ZNF385D: variants seen among roughly 807,000 people sequenced by gnomAD.
The protein encoded by ZNF385D is zinc finger protein 659.
Under a neutral mutation model 35.8 loss-of-function variants are expected in ZNF385D, and 15 were observed. The observed-to-expected ratio is 0.42, with a 90% CI of 0.28 to 0.64. The LOEUF is 0.64. Among genes scored for constraint, ZNF385D ranks in the 30% least tolerant of loss-of-function variants. ZNF385D has a pLI of 0.23. For synonymous variants in ZNF385D, 212 were observed against 186.8 expected (o/e 1.13, Z -1.10); for missense variants, 474 against 494.6 (o/e 0.96, Z 0.39).
intron 2 of ZNF385D, among the ~76,000 whole-genome samples, chr3:21,617,842 C>A (rs1378624016): frequency 1.3e-5 from 2 of 152,122 alleles, no homozygotes; most frequent in Non-Finnish European, 2.9e-5. Context: ...GCCTTCTTTC[C>A]CTCCTTCACC....
chr3:22,258,352 T>C (rs370561388), intron 2 of ZNF385D, among the ~76,000 whole-genome samples: 5 of 151,790 alleles, frequency 3.3e-5, no homozygotes, highest in Non-Finnish European at 2.9e-5. Context: ...GAAAAAATAG[T>C]GCACAGTTTT....
At chr3:21,994,736 A>G (rs1695357438) in intron 3 of ZNF385D, among the ~76,000 whole-genome samples, 1 of 152,204 alleles carries the variant, frequency 6.6e-6, no homozygotes, top group Non-Finnish European at 1.5e-5. Context: ...CTGATTGTGT[A>G]GGGTGCTTTG....
intron 3 of ZNF385D, among the ~76,000 whole-genome samples, chr3:22,058,769 A>G (rs1466028162): frequency 2.0e-5 from 3 of 152,204 alleles, no homozygotes; most frequent in Admixed American, 6.5e-5. Flanking sequence ...TTTGGAAGCC[A>G]GTCTGAAATT....
At chr3:22,184,437 A>G (rs1695488503) in intron 2 of ZNF385D, among the ~76,000 whole-genome samples, 1 of 152,142 alleles carries the variant, frequency 6.6e-6, no homozygotes, top group Non-Finnish European at 1.5e-5. Flanking sequence ...CAAATCTTCA[A>G]TACTGTGTGT....
chr3:22,096,464 G>C (rs1701639224), intron 3 of ZNF385D, among the ~76,000 whole-genome samples: 1 of 151,930 alleles, frequency 6.6e-6, no homozygotes, highest in Admixed American at 6.6e-5. Context: ...GTCAAAATTT[G>C]ATTTAAAAAT....
intron 3 of ZNF385D, among the ~76,000 whole-genome samples, chr3:21,533,403 C>T (rs1178442736): frequency 6.6e-6 from 1 of 151,896 alleles, no homozygotes; most frequent in African/African-American, 2.4e-5. Context: ...AAATAAAGGC[C>T]AATTCTCTTT....
At chr3:21,933,539 A>G (rs1324002445) in intron 3 of ZNF385D, among the ~76,000 whole-genome samples, 1 of 152,206 alleles carries the variant, frequency 6.6e-6, no homozygotes, top group Non-Finnish European at 1.5e-5. Context: ...CCAGGTCCCT[A>G]GATCTGCTTT....
intron 3 of ZNF385D, among the ~76,000 whole-genome samples, chr3:21,791,796 G>A (rs142166919): frequency 0.012 from 1,900 of 152,192 alleles, 17 homozygotes; most frequent in Non-Finnish European, 0.02. Flanking sequence ...GTGTAGTGGC[G>A]CGATCTCGGC....
At chr3:21,810,661 G>C (rs1457873512) in intron 3 of ZNF385D, among the ~76,000 whole-genome samples, 3 of 151,870 alleles carry the variant, frequency 2.0e-5, no homozygotes, top group Non-Finnish European at 4.4e-5. Context: ...GATTAAAGCT[G>C]GATTGTTTGA....
intron 4 of ZNF385D, chr3:21,443,057 A>C: frequency 2.2e-6 from 2 of 890,744 alleles, no homozygotes; most frequent in Non-Finnish European, 2.7e-6. Flanking sequence ...TGAATTCCTC[A>C]CTCCCGTCTG....
intron 3 of ZNF385D, among the ~76,000 whole-genome samples, chr3:22,062,430 T>C (rs1434409769): frequency 6.6e-6 from 1 of 152,188 alleles, no homozygotes; most frequent in African/African-American, 2.4e-5. Context: ...ACACTTTAAA[T>C]GAGCAAGTCT....
At chr3:21,529,061 A>ATT (rs963583585) in intron 3 of ZNF385D, among the ~76,000 whole-genome samples, 4 of 151,858 alleles carry the variant, frequency 2.6e-5, no homozygotes, top group African/African-American at 9.7e-5. Flanking sequence ...CACTTTTTCC[A>ATT]TTTTTTTTGT....
intron 2 of ZNF385D, chr3:21,580,094 G>A (rs2063610129): frequency 1.3e-5 from 2 of 152,118 alleles, no homozygotes; most frequent in Non-Finnish European, 2.9e-5. Context: ...TCAGGCATAA[G>A]TGCTAGGATA....
At chr3:21,794,508 C>A (rs1337590563) in intron 3 of ZNF385D, among the ~76,000 whole-genome samples, 1 of 152,090 alleles carries the variant, frequency 6.6e-6, no homozygotes. Context: ...TCTCACAGTT[C>A]TAAAGAATGG....
intron 4 of ZNF385D, among the ~76,000 whole-genome samples, chr3:21,509,109 T>C (rs888239280): frequency 9.2e-5 from 14 of 152,030 alleles, no homozygotes; most frequent in South Asian, 8.3e-4. Flanking sequence ...CTACCACACA[T>C]ATATATATTT....
At chr3:21,749,977 C>G (rs1296691115) in intron 1 of ZNF385D, among the ~76,000 whole-genome samples, 2 of 144,712 alleles carry the variant, frequency 1.4e-5, no homozygotes, top group Non-Finnish European at 1.5e-5. Context: ...CCTAGCCCCT[C>G]TCCAGTTGCT....
intron 2 of ZNF385D, among the ~76,000 whole-genome samples, chr3:22,193,358 A>G (rs1353584727): frequency 6.6e-6 from 1 of 152,026 alleles, no homozygotes; most frequent in Non-Finnish European, 1.5e-5. Context: ...ACAAAGTGAT[A>G]CAATCATACC....
At chr3:22,268,895 G>T (rs1470989188) in intron 2 of ZNF385D, among the ~76,000 whole-genome samples, 4 of 151,898 alleles carry the variant, frequency 2.6e-5, no homozygotes, top group Non-Finnish European at 5.9e-5. Flanking sequence ...GGGTGGGGGA[G>T]AATGGGGTTG....
At chr3:22,313,214 A>G (rs1703677186) in intron 2 of ZNF385D, among the ~76,000 whole-genome samples, 1 of 141,682 alleles carries the variant, frequency 7.1e-6, no homozygotes, top group Non-Finnish European at 1.5e-5. Context: ...ACACATGGAC[A>G]CGGGAAGGGG....
Sources: allele counts gnomAD v4.1 joint callset (sites outside exome capture counted in the v4.1 genomes callset), GRCh38; gene constraint gnomAD v4.1.1; transcripts MANE v1.5; gene names NCBI Gene and HGNC (gene_info 2026-07-23, HGNC 2026-07-21).